TLE1: variants seen among roughly 807,000 people sequenced by gnomAD.
The protein encoded by TLE1 is TLE family member 1, transcriptional corepressor, also known as transducin-like enhancer protein 1.
Under a neutral mutation model 89.8 loss-of-function variants are expected in TLE1, and 21 were observed. The ratio of observed to expected loss-of-function variants is 0.23; its 90% confidence interval spans 0.17 to 0.34. TLE1 has a LOEUF of 0.34. TLE1 is among the 10% of genes least tolerant of loss of function. The probability of loss-of-function intolerance (pLI) is 1.00; values close to 1 mark genes in which losing one functional copy is unlikely to be tolerated. For synonymous variants in TLE1, 447 were observed against 407.6 expected, an observed-to-expected ratio of 1.10 and a Z score of -1.16; for missense variants, 795 against 1,031.2, an observed-to-expected ratio of 0.77 and a Z score of 3.14.
At chr9:81,637,909 C>G (rs1430965761) in intron 6 of TLE1, among the ~76,000 whole-genome samples, 1 of 152,116 alleles carries the variant, frequency 6.6e-6, no homozygotes, top group Non-Finnish European at 1.5e-5. Flanking sequence ...GGCTCAAAGC[C>G]AAGAGGCTTG....
At chr9:81,670,183 G>A (rs547706850) in intron 4 of TLE1, among the ~76,000 whole-genome samples, 59 of 152,228 alleles carry the variant, frequency 3.9e-4, no homozygotes, top group South Asian at 3.3e-3. Context: ...TAATAGACTT[G>A]GAAAAGTAGC....
At chr9:81,667,155 A>G (rs1831571529) in intron 4 of TLE1, among the ~76,000 whole-genome samples, 1 of 152,072 alleles carries the variant, frequency 6.6e-6, no homozygotes, top group Admixed American at 6.6e-5. Flanking sequence ...GCTCACACCT[A>G]CAATTCCAGC....
At chr9:81,656,866 T>C (rs1830207235) in intron 4 of TLE1, among the ~76,000 whole-genome samples, 1 of 152,210 alleles carries the variant, frequency 6.6e-6, no homozygotes, top group South Asian at 2.1e-4. Flanking sequence ...CTAAAAGGAA[T>C]CCCTAGATGT....
intron 14 of TLE1, among the ~76,000 whole-genome samples, chr9:81,597,571 G>C (rs1830397681): frequency 6.6e-6 from 1 of 152,136 alleles, no homozygotes; most frequent in Non-Finnish European, 1.5e-5. Flanking sequence ...TCCCTCCTTA[G>C]GGGCCATACA....
intron 5 of TLE1, among the ~76,000 whole-genome samples, chr9:81,653,300 CACACTTAGA>C (rs1829780570): frequency 6.6e-6 from 1 of 152,160 alleles, no homozygotes; most frequent in African/African-American, 2.4e-5. Flanking sequence ...TCATCCCGTG[CACACTTAGA>C]ACACGTTACA....
intron 11 of TLE1, among the ~76,000 whole-genome samples, chr9:81,613,869 C>T (rs1824034463): frequency 6.6e-6 from 1 of 151,492 alleles, no homozygotes; most frequent in African/African-American, 2.4e-5. Context: ...AAACACATGT[C>T]CTGGCCGCCA....
intron 8 of TLE1, among the ~76,000 whole-genome samples, chr9:81,628,776 C>T (rs557458520): frequency 3.9e-5 from 6 of 152,210 alleles, no homozygotes; most frequent in East Asian, 3.9e-4. Context: ...AGTATGTGAC[C>T]GGATGCACCC....
At chr9:81,610,564 T>A (rs1385542314) in intron 13 of TLE1, among the ~76,000 whole-genome samples, 1 of 152,178 alleles carries the variant, frequency 6.6e-6, no homozygotes, top group Non-Finnish European at 1.5e-5. Flanking sequence ...AATACTTCCC[T>A]TAGACTTGCA....
At chr9:81,676,167 T>C (rs901110770) in intron 4 of TLE1, among the ~76,000 whole-genome samples, 11 of 152,310 alleles carry the variant, frequency 7.2e-5, no homozygotes, top group East Asian at 1.9e-4. Flanking sequence ...CACCTGATTT[T>C]CAAACGTTCA....
chr9:81,631,362 G>A (rs1389278071), intron 8 of TLE1, among the ~76,000 whole-genome samples: 9 of 152,204 alleles, frequency 5.9e-5, no homozygotes, highest in African/African-American at 2.2e-4. Flanking sequence ...ATCTCTACTA[G>A]CTTAAGCATA....
intron 3 of TLE1, 53 bp downstream of exon 3, chr9:81,685,777 TAAC>T: frequency 1.9e-6 from 3 of 1,612,502 alleles, no homozygotes; most frequent in Non-Finnish European, 2.5e-6. Flanking sequence ...TACACTCTGC[TAAC>T]ACGTTTGCTA....
At chr9:81,611,228 C>T (rs1823666789) in intron 13 of TLE1, among the ~76,000 whole-genome samples, 1 of 152,170 alleles carries the variant, frequency 6.6e-6, no homozygotes, top group Non-Finnish European at 1.5e-5. Context: ...CGAGAGACAG[C>T]CTGCCCCCGT....
intron 8 of TLE1, among the ~76,000 whole-genome samples, chr9:81,628,161 T>A (rs1031080591): frequency 6.6e-6 from 1 of 152,222 alleles, no homozygotes; most frequent in African/African-American, 2.4e-5. Flanking sequence ...GTCTTGCTAC[T>A]CTGCAAATGG....
chr9:81,610,341 G>A, intron 13 of TLE1, 45 bp from the exon 14 acceptor site: 1 of 1,479,818 alleles, frequency 6.8e-7, no homozygotes, highest in Non-Finnish European at 9.4e-7. Flanking sequence ...TATTGCAGCA[G>A]GCACTTTGTG....
At chr9:81,633,416 G>A (rs1221598670) in intron 7 of TLE1, 52 bp from the exon 8 acceptor site, 1 of 1,612,804 alleles carries the variant, frequency 6.2e-7, no homozygotes, top group African/African-American at 1.3e-5. Context: ...CAGACACAGA[G>A]GCAAGAACAG....
At chr9:81,624,224 T>C (rs1368223189) in intron 8 of TLE1, among the ~76,000 whole-genome samples, 2 of 152,220 alleles carry the variant, frequency 1.3e-5, no homozygotes, top group Admixed American at 6.5e-5. Context: ...TCAGGTTAGA[T>C]GTCTTCCATA....
At chr9:81,584,965 C>CCAT (rs1828152208) in intron 18 of TLE1, among the ~76,000 whole-genome samples, 2 of 149,378 alleles carry the variant, frequency 1.3e-5, no homozygotes, top group Non-Finnish European at 3.0e-5. Context: ...CACTCATCCA[C>CCAT]CCATCCATCC....
chr9:81,638,004 A>G (rs1827624234), intron 6 of TLE1, among the ~76,000 whole-genome samples: 1 of 152,154 alleles, frequency 6.6e-6, no homozygotes, highest in Non-Finnish European at 1.5e-5. Flanking sequence ...CAGCTCAATC[A>G]TGTTCTCCAG....
chr9:81,585,653 G>A lies in TLE1; in HGVS notation c.1980C>T (p.Ile660=). 1 of 1,613,988 alleles carries A rather than the reference G, an allele frequency of 6.2e-7. No homozygotes were observed. The highest frequency in any genetic ancestry group is 8.5e-7 in the Non-Finnish European group (1 of 1,179,980). The change falls in exon 18 of 20, where the codon ATC becomes ATT. Residue 660 remains isoleucine (I), a splice_region_variant and synonymous_variant. Transcript: ENST00000376499. ...CGGTGGGGCAGTACCCCAGGGAGAA[G>A]ATCTACAAGGAGCAAGACAGGCTCA... ...QLQQHDFTSQ[I]FSLGYCPTGE... is the part of the protein sequence containing the mutation.
Sources: allele counts gnomAD v4.1 joint callset (sites outside exome capture counted in the v4.1 genomes callset), GRCh38; gene constraint gnomAD v4.1.1; transcripts MANE v1.5; gene names NCBI Gene and HGNC (gene_info 2026-07-23, HGNC 2026-07-21).